Variants in SLC35B3 observed in about 807,000 individuals in gnomAD.
SLC35B3 encodes the protein adenosine 3'-phospho 5'-phosphosulfate transporter 2.
A neutral mutation model predicts 44.1 loss-of-function variants in SLC35B3; 35 were observed. The ratio of observed to expected loss-of-function variants is 0.79; its 90% CI spans 0.61 to 1.05. The LOEUF (loss-of-function observed/expected upper bound fraction) is 1.05. Ranked by LOEUF, SLC35B3 falls within the 50% of genes least tolerant of loss-of-function variation. The pLI is 0.00. For missense variants in SLC35B3, 414 were observed against 476.4 expected (o/e 0.87, Z 1.22); for synonymous variants, 146 against 167.3 (o/e 0.87, Z 0.98).
intron 2 of SLC35B3, among the ~76,000 whole-genome samples, chr6:8,431,385 A>G (rs1180535147): frequency 6.6e-6 from 1 of 152,152 alleles, no homozygotes; most frequent in Non-Finnish European, 1.5e-5. Context: ...ATGGCTTAAA[A>G]TGGCCAAAAT....
rs1197620621 is a variant in SLC35B3, at chr6:8,412,522, T to C, written c.*1027A>G. ...ACTTGGGCAAACTGTAGCAAATTTT[T>C]CTTACTACACATACTTACATGATGC... On this transcript the variant is annotated 3_prime_UTR_variant, in exon 11 of 11. Transcript: ENST00000644923. Among the ~76,000 whole-genome samples the C allele has an allele frequency of 1.3e-5, 2 of 152,222 alleles. No homozygotes were observed. The highest frequency in any genetic ancestry group is 1.3e-4 in the Admixed American group (2 of 15,276).
chr6:8,420,074 C>T lies in SLC35B3; in HGVS notation c.683-397G>A, dbSNP rs910920855. Among the ~76,000 whole-genome samples the T allele has an allele frequency of 2.0e-5, 3 of 150,864 alleles. No individual in the cohort carries two copies. Among genetic ancestry groups the T allele is most frequent in the Non-Finnish European group, 3.0e-5 (2 of 67,776 alleles). On this transcript the variant is annotated intron_variant, in intron 6 of 10. Coordinates refer to ENST00000644923, the MANE Select transcript of SLC35B3 (RefSeq NM_001370476.2). This position sits in a 1 kb window ranked among gnomAD's most constrained non-coding sequence, Gnocchi z 4.4. ...AAAAAAAACAGATGAAGAGAAAAGT[C>T]ATTTTTGAAAAACCCTATTATTACT...
In SLC35B3 at chr6:8,434,540, C is replaced by T; in HGVS notation, c.-43-110G>A. ...CCTGTGCTAATGTTTGAAGACTATTCTTTTTTTTTTCCAAGAGAAAAAGTT... is the reference window on the plus strand; with the variant it reads ...CCTGTGCTAATGTTTGAAGACTATTTTTTTTTTTTTCCAAGAGAAAAAGTT... On this transcript the variant is annotated intron_variant, in intron 1 of 10. Transcript: ENST00000644923. This position sits in a 1 kb window ranked among gnomAD's most constrained non-coding sequence, Gnocchi z 6.3. 1 of 753,594 alleles carries T rather than the reference C, an allele frequency of 1.3e-6. No homozygotes were observed. Among genetic ancestry groups the T allele is most frequent in the Non-Finnish European group, 1.9e-6 (1 of 521,842 alleles). The allele number at this position is 753,594 out of a possible 1,614,324, so 46.7% of individuals were successfully genotyped here.
chr6:8,435,552 G>C (rs1160575368), upstream of SLC35B3: 1 of 412,774 alleles, frequency 2.4e-6, no homozygotes, highest in East Asian at 7.2e-5. The surrounding 1 kb of genome is among the most constrained non-coding windows in gnomAD (Gnocchi z 5.5). Flanking sequence ...ATGTGTCCCT[G>C]CGCGCGTGCG....
intron 9 of SLC35B3, among the ~76,000 whole-genome samples, chr6:8,416,407 T>C (rs986377670): frequency 2.0e-5 from 3 of 152,148 alleles, no homozygotes; most frequent in African/African-American, 7.2e-5. Flanking sequence ...GCAAAGACCC[T>C]GCACACAGCA....
chr6:8,413,930 T>C (rs556778080), intron 10 of SLC35B3, among the ~76,000 whole-genome samples: 1 of 152,218 alleles, frequency 6.6e-6, no homozygotes, highest in Non-Finnish European at 1.5e-5. Context: ...TTTACAAAAT[T>C]TTATATGACA....
intron 4 of SLC35B3, among the ~76,000 whole-genome samples, chr6:8,424,355 C>G (rs1433017994): frequency 6.6e-6 from 1 of 152,180 alleles, no homozygotes; most frequent in African/African-American, 2.4e-5. Context: ...CAGGTTCAAA[C>G]CATTCTCCTG....
Position 8,413,383 on chromosome 6 carries a change from A to T in SLC35B3, c.*166T>A. The T allele has an allele frequency of 1.8e-6, 1 of 549,316 alleles. No homozygotes were observed. The highest frequency in any genetic ancestry group is 3.2e-5 in the East Asian group (1 of 30,878). 34.0% of individuals were successfully genotyped at this position (549,316 alleles called of 1,614,324 possible). On this transcript the variant is annotated 3_prime_UTR_variant, in exon 11 of 11. Coordinates refer to ENST00000644923, the MANE Select transcript of SLC35B3 (RefSeq NM_001370476.2). ...ATTGCTTTGGAAGTCAGTCAAACAA[A>T]TGCTCTGAAGAAAAGGCTGACACCG...
intron 5 of SLC35B3, among the ~76,000 whole-genome samples, chr6:8,421,656 T>G (rs1023025430): frequency 6.6e-6 from 1 of 152,218 alleles, no homozygotes; most frequent in Admixed American, 6.5e-5. Flanking sequence ...GCCTCCTCTT[T>G]TACTCGTATT....
chr6:8,431,218 T>C (rs3799257), intron 2 of SLC35B3, among the ~76,000 whole-genome samples: 75,483 of 152,052 alleles, frequency 0.5, 19,606 homozygotes, highest in African/African-American at 0.67. Context: ...AAGTATAGAA[T>C]AAACCTATGT....
At chr6:8,417,118 G>T in intron 8 of SLC35B3, 123 bp from the exon 8 acceptor site, 1 of 585,110 alleles carries the variant, frequency 1.7e-6, no homozygotes, top group Non-Finnish European at 3.0e-6. Flanking sequence ...ATGCAGTCAA[G>T]CAAAGATTCT....
intron 5 of SLC35B3, among the ~76,000 whole-genome samples, chr6:8,421,081 CA>C (rs1762849743): frequency 6.6e-6 from 1 of 152,116 alleles, no homozygotes; most frequent in South Asian, 2.1e-4. Context: ...CATACTTTGG[CA>C]AAAACTGACA....
intron 4 of SLC35B3, among the ~76,000 whole-genome samples, chr6:8,424,051 C>A (rs2184580): frequency 0.51 from 77,214 of 151,990 alleles, 20,779 homozygotes; most frequent in African/African-American, 0.71. Context: ...TAGCACAGTA[C>A]AGGTAGAAAG....
intron 3 of SLC35B3, among the ~76,000 whole-genome samples, chr6:8,429,263 G>A (rs1193601221): frequency 2.6e-5 from 4 of 151,784 alleles, no homozygotes; most frequent in African/African-American, 9.7e-5. Context: ...CTAGCCAAAG[G>A]TATATAACTT....
intron 2 of SLC35B3, among the ~76,000 whole-genome samples, chr6:8,431,278 G>C (rs181367639): frequency 6.6e-6 from 1 of 152,296 alleles, no homozygotes; most frequent in Admixed American, 6.5e-5. Context: ...TTTAATTCCA[G>C]TGGGAACAAA....
chr6:8,430,735 A>ATAAAATAAAC (rs1763894978), intron 2 of SLC35B3, among the ~76,000 whole-genome samples: 1 of 151,964 alleles, frequency 6.6e-6, no homozygotes, highest in Admixed American at 6.6e-5. Flanking sequence ...ATAAAATAAA[A>ATAAAATAAAC]TAAAATAAAA....
At chr6:8,418,810 C>T (rs1488252879) in intron 7 of SLC35B3, 2 of 208,820 alleles carry the variant, frequency 9.6e-6, no homozygotes, top group South Asian at 5.7e-5. Context: ...CAATGCCATA[C>T]CAATCACAAT....
intron 4 of SLC35B3, among the ~76,000 whole-genome samples, chr6:8,424,411 C>A (rs1056300548): frequency 6.6e-6 from 1 of 152,130 alleles, no homozygotes; most frequent in Admixed American, 6.5e-5. Flanking sequence ...CAAGTGCCCG[C>A]CACCATGTCC....
At chr6:8,430,308 A>G (rs1763844000) in intron 2 of SLC35B3, 151 bp from the exon 2 acceptor site, 5 of 661,154 alleles carry the variant, frequency 7.6e-6, no homozygotes, top group African/African-American at 1.8e-5. Flanking sequence ...CAAATCACCA[A>G]AAACAATATG....
Sources: gnomAD v4.1 joint callset for allele counts (sites outside exome capture counted in the v4.1 genomes callset) on GRCh38, gnomAD v4.1.1 for gene constraint, Gnocchi (gnomAD v3.1) non-coding constraint, MANE v1.5 for transcripts, NCBI Gene and HGNC (gene_info 2026-07-23, HGNC 2026-07-21) for gene names.